Variants in NAV3 observed in about 807,000 individuals in gnomAD.
The protein encoded by NAV3 is pore membrane and/or filament interacting like protein 1.
NAV3 carries 87 observed loss-of-function variants against 244.7 expected under a neutral mutation model. The ratio of observed to expected loss-of-function variants is 0.36; its 90% CI spans 0.30 to 0.42. The LOEUF (loss-of-function observed/expected upper bound fraction) is 0.42. NAV3 is among the 20% of genes least tolerant of loss of function. The probability of loss-of-function intolerance (pLI) is 1.00; values close to 1 mark genes in which losing one functional copy is unlikely to be tolerated. For synonymous variants in NAV3, 1,126 were observed against 1,042.2 expected, an observed-to-expected ratio of 1.08 and a Z score of -1.55; for missense variants, 2,663 against 2,893.3, an observed-to-expected ratio of 0.92 and a Z score of 1.83.
chr12:77,811,120 A>G (rs1872266433), intron 2 of NAV3, among the ~76,000 whole-genome samples: 1 of 152,254 alleles, frequency 6.6e-6, no homozygotes, highest in Non-Finnish European at 1.5e-5. Flanking sequence ...ACTAAAATAC[A>G]AATTCTAAAA....
chr12:77,952,088 G>A (rs1410294151), intron 3 of NAV3, among the ~76,000 whole-genome samples: 1 of 151,046 alleles, frequency 6.6e-6, no homozygotes, highest in Admixed American at 6.6e-5. Context: ...AAAAAAACAG[G>A]TTGTTTGTTT....
At chr12:78,165,221 C>G (rs1957728479) in intron 23 of NAV3, among the ~76,000 whole-genome samples, 1 of 152,020 alleles carries the variant, frequency 6.6e-6, no homozygotes, top group Admixed American at 6.6e-5. Flanking sequence ...GTTTGGTTCT[C>G]AGGTTTTAAA....
In NAV3 at chr12:78,127,166, G is replaced by A. The variant is rs2138808551; in HGVS notation, c.4239-1G>A. 6.2e-7 allele frequency: 1 copy of A among 1,613,594 alleles called. No homozygotes were observed. The highest frequency in any genetic ancestry group is 8.5e-7 in the Non-Finnish European group (1 of 1,179,694). On this transcript the variant is annotated splice_acceptor_variant, in intron 16 of 39. Coordinates refer to ENST00000397909, the MANE Select transcript of NAV3 (RefSeq NM_001024383.2). LOFTEE classifies it high-confidence loss of function. ...CTTAGGGGTTTTCTTTGTTTTAACA[G>A]CATGCAGCTTGACAGAAATACACTA...
intron 2 of NAV3, among the ~76,000 whole-genome samples, chr12:77,816,542 T>C (rs1485825600): frequency 6.6e-6 from 1 of 152,176 alleles, no homozygotes; most frequent in Non-Finnish European, 1.5e-5. Flanking sequence ...AGCCACCAGG[T>C]AGCTTCTGAA....
At chr12:77,730,546 T>C (rs1877072927) in intron 2 of NAV3, among the ~76,000 whole-genome samples, 1 of 151,888 alleles carries the variant, frequency 6.6e-6, no homozygotes, top group South Asian at 2.1e-4. Flanking sequence ...CCAATAAATG[T>C]TTATTGAGCA....
chr12:77,597,123 A>G (rs1264328366), intron 2 of NAV3, among the ~76,000 whole-genome samples: 1 of 152,164 alleles, frequency 6.6e-6, no homozygotes. Context: ...TTTTAGGTAT[A>G]TAGTGATGTC....
At chr12:77,912,954 A>G (rs1323259131) in intron 1 of NAV3, among the ~76,000 whole-genome samples, 2 of 152,062 alleles carry the variant, frequency 1.3e-5, no homozygotes, top group East Asian at 1.9e-4. Flanking sequence ...TGTACATTTA[A>G]GTGTTTTCAT....
intron 2 of NAV3, among the ~76,000 whole-genome samples, chr12:77,723,762 T>TTTTC (rs1555198705): frequency 1.4e-5 from 2 of 145,070 alleles, no homozygotes; most frequent in Non-Finnish European, 3.1e-5. Context: ...TGACTTTTTT[T>TTTTC]TTTTTTTTTT....
intron 2 of NAV3, among the ~76,000 whole-genome samples, chr12:77,647,086 A>G (rs896603345): frequency 2.6e-5 from 4 of 151,738 alleles, no homozygotes; most frequent in Non-Finnish European, 5.9e-5. Context: ...ACACACACAC[A>G]CGTATATGTA....
chr12:77,797,948 C>A (rs1374773973), intron 2 of NAV3, among the ~76,000 whole-genome samples: 1 of 151,348 alleles, frequency 6.6e-6, no homozygotes, highest in Admixed American at 6.6e-5. Context: ...GCAAGCAGAT[C>A]CCTTGAGGCC....
Position 77,719,089 on chromosome 12 carries a change from G to A in NAV3, c.72+146823G>A, listed in dbSNP as rs187701944. ...ATTCTTTTTGGTACTATTGTAAATG[G>A]TGTTGCTTTCTTAGTTTCCATTTTG... On this transcript the variant is annotated intron_variant, in intron 2 of 8. Transcript: ENST00000550042. Among the ~76,000 whole-genome samples, 70 of 152,128 alleles carry A rather than the reference G, an allele frequency of 4.6e-4. No individual in the cohort carries two copies. The East Asian group carries it at 0.013, about 27-fold the overall frequency.
chr12:78,198,636 G>GT lies in NAV3; in HGVS notation c.6481dup (p.Ser2161PhefsTer42). 6.5e-7 allele frequency: 1 copy of GT among 1,543,940 alleles called. No individual in the cohort carries two copies. Among genetic ancestry groups the GT allele is most frequent in the Non-Finnish European group, 8.8e-7 (1 of 1,139,302 alleles). The stretch of plus-strand genomic sequence containing the variant: ...TATTATTGGAACAATGAATCAGGGA[G>GT]TTTCTTCATCACCAAATCTAGAGCT... On this transcript the variant is annotated frameshift_variant, in exon 36 of 40. Coordinates refer to ENST00000397909, the MANE Select transcript of NAV3 (RefSeq NM_001024383.2). LOFTEE classifies it high-confidence loss of function.
chr12:77,653,398 T>C (rs1182620610), intron 2 of NAV3, among the ~76,000 whole-genome samples: 2 of 152,216 alleles, frequency 1.3e-5, no homozygotes, highest in Non-Finnish European at 2.9e-5. Context: ...TGATCATACA[T>C]GTATTTGAAA....
intron 5 of NAV3, among the ~76,000 whole-genome samples, chr12:77,974,807 GA>G (rs1868271406): frequency 1.3e-5 from 2 of 152,110 alleles, no homozygotes; most frequent in African/African-American, 4.8e-5. Context: ...GGGTTTTGAA[GA>G]GACCAGATGA....
At chr12:77,838,728 A>G (rs952331961) in intron 1 of NAV3, among the ~76,000 whole-genome samples, 3 of 152,238 alleles carry the variant, frequency 2.0e-5, no homozygotes, top group Admixed American at 1.3e-4. Context: ...AATTATCCAT[A>G]TCCAATTTTG....
chr12:77,865,974 C>T (rs1333666472), intron 1 of NAV3, among the ~76,000 whole-genome samples: 1 of 144,494 alleles, frequency 6.9e-6, no homozygotes, highest in Non-Finnish European at 1.5e-5. Flanking sequence ...ACCCATTGAC[C>T]TCACATTATA....
intron 2 of NAV3, among the ~76,000 whole-genome samples, chr12:77,646,386 G>A (rs1043848658): frequency 6.6e-6 from 1 of 152,136 alleles, no homozygotes; most frequent in African/African-American, 2.4e-5. Context: ...CAGAGAAAGC[G>A]GAAGTTTTCT....
At chr12:78,148,984 A>C in intron 22 of NAV3, 65 bp downstream of exon 22, 1 of 1,342,334 alleles carries the variant, frequency 7.4e-7, no homozygotes, top group Non-Finnish European at 1.0e-6. Flanking sequence ...AAATCATTTT[A>C]GTAACAAACT....
At chr12:78,081,512 G>A (rs932413840) in intron 12 of NAV3, among the ~76,000 whole-genome samples, 1 of 152,186 alleles carries the variant, frequency 6.6e-6, no homozygotes, top group Non-Finnish European at 1.5e-5. Flanking sequence ...GCTTGAGTCA[G>A]CTGTCCATCT....
Sources: allele counts gnomAD v4.1 joint callset (sites outside exome capture counted in the v4.1 genomes callset), GRCh38; gene constraint gnomAD v4.1.1; transcripts MANE v1.5; gene names NCBI Gene and HGNC (gene_info 2026-07-23, HGNC 2026-07-21).